ABLIM2: variants seen among roughly 807,000 people sequenced by gnomAD.
The protein encoded by ABLIM2 is actin binding LIM protein family member 2.
ABLIM2 carries 53 observed loss-of-function variants against 97.7 expected under a neutral mutation model. The ratio of observed to expected loss-of-function variants is 0.54; its 90% CI spans 0.44 to 0.68. The LOEUF (loss-of-function observed/expected upper bound fraction) is 0.68, where lower values mean the gene tolerates loss of function less well. Among genes scored for constraint, ABLIM2 ranks in the 30% least tolerant of loss-of-function variants. The pLI is 0.00. For synonymous variants in ABLIM2, 361 were observed against 345.8 expected (o/e 1.04, Z -0.49); for missense variants, 835 against 867.2 (o/e 0.96, Z 0.47).
chr4:8,045,073 C>T, intron 9 of ABLIM2, 91 bp downstream of exon 9: 1 of 1,160,608 alleles, frequency 8.6e-7, no homozygotes, highest in Non-Finnish European at 1.3e-6. Flanking sequence ...TCTCGGAAAA[C>T]TCTCTTAGGG....
Position 8,013,516 on chromosome 4 carries a change from G to A in ABLIM2, c.1424-4414C>T, listed in dbSNP as rs111519995. 4.0e-3 allele frequency among the ~76,000 whole-genome samples: 615 copies of A among 152,240 alleles called. 3 individuals carry two copies. Among genetic ancestry groups the A allele is most frequent in the Non-Finnish European group, 6.3e-3 (431 of 68,020 alleles). On this transcript the variant is annotated intron_variant, in intron 14 of 20. Transcript: ENST00000447017. The stretch of plus-strand genomic sequence containing the variant: ...TGGGATTACAGGTGTGAGTCACTGC[G>A]CCCAGCCCTTGGGTAAACATTTGTA...
At chr4:8,157,558 A>G (rs1365245115) in intron 1 of ABLIM2, among the ~76,000 whole-genome samples, 1 of 152,218 alleles carries the variant, frequency 6.6e-6, no homozygotes, top group African/African-American at 2.4e-5. Flanking sequence ...CAATCTCCCC[A>G]GGGAGGGGAG....
intron 14 of ABLIM2, among the ~76,000 whole-genome samples, chr4:8,017,650 A>C (rs1034403426): frequency 6.6e-6 from 1 of 152,164 alleles, no homozygotes; most frequent in Non-Finnish European, 1.5e-5. Context: ...ATCAAACAGG[A>C]ATTAACTTGC....
rs1177757746 is a variant in ABLIM2, at chr4:8,120,566, C to T, written c.11-13929G>A. On this transcript the variant is annotated intron_variant, in intron 1 of 20. Coordinates refer to ENST00000447017, the MANE Select transcript of ABLIM2 (RefSeq NM_001130083.2). This position sits in a 1 kb window ranked among gnomAD's most constrained non-coding sequence, Gnocchi z 5.6. ...TCCTTCCTTGCAGCCTCAGAAGGAG[C>T]CAGCCCTGCCCGCACCTTGATCTGG... 2.0e-5 allele frequency among the ~76,000 whole-genome samples: 3 copies of T among 152,086 alleles called. No individual in the cohort carries two copies. The highest frequency in any genetic ancestry group is 7.2e-5 in the African/African-American group (3 of 41,408).
chr4:8,066,361 G>GGAGGGAAT (rs1807506713), intron 6 of ABLIM2, among the ~76,000 whole-genome samples: 3 of 10,440 alleles, frequency 2.9e-4, no homozygotes, highest in African/African-American at 1.1e-3. Flanking sequence ...AGGGAGGGAG[G>GGAGGGAAT]GAAGGAAGGA....
At chr4:8,111,408 T>C (rs1399237758) in intron 1 of ABLIM2, among the ~76,000 whole-genome samples, 1 of 152,226 alleles carries the variant, frequency 6.6e-6, no homozygotes, top group Non-Finnish European at 1.5e-5. Flanking sequence ...TCCACGACAC[T>C]GTACATTTGT....
chr4:8,102,285 T>A (rs1835031477), intron 2 of ABLIM2, among the ~76,000 whole-genome samples: 1 of 152,180 alleles, frequency 6.6e-6, no homozygotes, highest in South Asian at 2.1e-4. Context: ...CTTCCTCACC[T>A]CCTTCCACCA....
intron 16 of ABLIM2, chr4:8,007,232 C>G (rs1478456260): frequency 3.0e-6 from 3 of 985,320 alleles, no homozygotes; most frequent in Non-Finnish European, 2.4e-6. Context: ...CACACATACC[C>G]AGTTCCAGTC....
rs916010232 is a variant in ABLIM2, at chr4:8,015,439, C to T, written c.1423+4179G>A. ...AATCCGCACTCTGGACACAGCCTGC[C>T]GTTCCTCCCCATCCCGCCGGTCCCC... On this transcript the variant is annotated intron_variant, in intron 14 of 20. Transcript: ENST00000447017. This position sits in a 1 kb window ranked among gnomAD's most constrained non-coding sequence, Gnocchi z 4.6. 2.6e-5 allele frequency among the ~76,000 whole-genome samples: 4 copies of T among 152,090 alleles called. No individual in the cohort carries two copies. Among genetic ancestry groups the T allele is most frequent in the Non-Finnish European group, 5.9e-5 (4 of 68,002 alleles).
intron 1 of ABLIM2, among the ~76,000 whole-genome samples, chr4:8,146,045 T>C (rs977105264): frequency 1.1e-4 from 17 of 152,348 alleles, no homozygotes; most frequent in African/African-American, 3.6e-4. Flanking sequence ...CCCATGATCC[T>C]AGCACATTTT....
At chr4:8,142,539 C>T (rs1178388871) in intron 1 of ABLIM2, among the ~76,000 whole-genome samples, 3 of 152,240 alleles carry the variant, frequency 2.0e-5, no homozygotes, top group African/African-American at 7.2e-5. Context: ...CAAGTGCCCA[C>T]CCCAGCCCTC....
intron 18 of ABLIM2, 92 bp from the exon 19 acceptor site, chr4:7,983,646 T>C (rs1225593635): frequency 1.4e-6 from 2 of 1,463,950 alleles, no homozygotes; most frequent in Non-Finnish European, 1.9e-6. Flanking sequence ...GGGGTACCCC[T>C]GTCTCCCCCC....
chr4:8,070,261 G>A (rs1261505489), intron 6 of ABLIM2, among the ~76,000 whole-genome samples: 1 of 150,610 alleles, frequency 6.6e-6, no homozygotes, highest in African/African-American at 2.4e-5. Context: ...CACGTGTGTT[G>A]TCTGTGGGTT....
In ABLIM2 at chr4:8,047,358, TTCCTCC is replaced by T. The variant is rs139472480; in HGVS notation, c.823-2123_823-2118del. On this transcript the variant is annotated intron_variant, in intron 8 of 20. Transcript: ENST00000447017. ...TGGCAACTGCCGCTGCCACCGCCTC[TTCCTCC>T]TCCTCCTCCTCCTCCTCCTCCTCTT... Among the ~76,000 whole-genome samples, 564 of 149,116 alleles carry T rather than the reference TTCCTCC, an allele frequency of 3.8e-3. 5 individuals carry two copies. The highest frequency in any genetic ancestry group is 0.012 in the African/African-American group (483 of 40,806).
chr4:8,037,646 C>G (rs1048036084), intron 9 of ABLIM2, among the ~76,000 whole-genome samples: 1 of 152,156 alleles, frequency 6.6e-6, no homozygotes, highest in African/African-American at 2.4e-5. Context: ...CACACAATCA[C>G]CCCACCCCTA....
chr4:8,052,712 G>A (rs1460785758), intron 8 of ABLIM2, among the ~76,000 whole-genome samples: 1 of 152,232 alleles, frequency 6.6e-6, no homozygotes, highest in Admixed American at 6.5e-5. Flanking sequence ...TCCAGATGCT[G>A]GGCATCCTGC....
At chr4:7,993,060 T>C in intron 16 of ABLIM2, 133 bp from the exon 17 acceptor site, 1 of 871,874 alleles carries the variant, frequency 1.1e-6, no homozygotes, top group Admixed American at 2.0e-5. Context: ...CTGAGGACCA[T>C]GACCTGCCTC....
rs1811844624 is a variant in ABLIM2, at chr4:8,071,294, A to AC, written c.675+6333_675+6334insG. On this transcript the variant is annotated intron_variant, in intron 6 of 20. Transcript: ENST00000447017. The surrounding 1 kb of genome is among the most constrained non-coding windows in gnomAD (Gnocchi z 6.2). ...CCCGGCCCAGGAGTGGGACACAGATATCAGCCCCTCCCATGCCCCCACAGG... is the reference window on the plus strand; with the variant it reads ...CCCGGCCCAGGAGTGGGACACAGATACTCAGCCCCTCCCATGCCCCCACAGG... Among the ~76,000 whole-genome samples the AC allele has an allele frequency of 2.0e-5, 3 of 152,132 alleles. No homozygotes were observed. The highest frequency in any genetic ancestry group is 2.0e-4 in the Admixed American group (3 of 15,272).
intron 17 of ABLIM2, among the ~76,000 whole-genome samples, chr4:7,987,719 C>T (rs540785418): frequency 3.3e-5 from 5 of 152,274 alleles, no homozygotes; most frequent in South Asian, 4.1e-4. Flanking sequence ...GACTCTAGGA[C>T]GGAGATGAGG....
Sources: gnomAD v4.1 joint callset for allele counts (sites outside exome capture counted in the v4.1 genomes callset) on GRCh38, gnomAD v4.1.1 for gene constraint, Gnocchi (gnomAD v3.1) non-coding constraint, MANE v1.5 for transcripts, NCBI Gene and HGNC (gene_info 2026-07-23, HGNC 2026-07-21) for gene names.